PLS1: variants seen among roughly 807,000 people sequenced by gnomAD.
The protein encoded by PLS1 is plastin-1.
A neutral mutation model predicts 73.7 loss-of-function variants in PLS1; 32 were observed. That is an observed-to-expected ratio of 0.43 (90% CI 0.33 to 0.58). The LOEUF is 0.58. Ranked by LOEUF, PLS1 falls within the 20% of genes least tolerant of loss-of-function variation. The pLI is 0.04. For synonymous variants in PLS1, 217 were observed against 261.3 expected (o/e 0.83, Z 1.63); for missense variants, 633 against 740.5 (o/e 0.85, Z 1.68).
intron 1 of PLS1, among the ~76,000 whole-genome samples, chr3:142,659,295 G>A (rs769939016): frequency 1.5e-4 from 23 of 152,202 alleles, no homozygotes; most frequent in South Asian, 4.2e-4. Context: ...GTGGAAGATG[G>A]GAAAATAGAA....
chr3:142,634,815 G>T (rs546256404), intron 1 of PLS1, among the ~76,000 whole-genome samples: 1 of 151,954 alleles, frequency 6.6e-6, no homozygotes, highest in South Asian at 2.1e-4. Context: ...AAACAGATAA[G>T]ATTTCTTATT....
At chr3:142,614,270 A>G (rs151317833) in intron 1 of PLS1, among the ~76,000 whole-genome samples, 1 of 152,364 alleles carries the variant, frequency 6.6e-6, no homozygotes, top group Non-Finnish European at 1.5e-5. Flanking sequence ...CAGCTCAGGG[A>G]TAGCTCAGGA....
At chr3:142,626,011 A>C (rs552591086) in intron 1 of PLS1, among the ~76,000 whole-genome samples, 1 of 152,220 alleles carries the variant, frequency 6.6e-6, no homozygotes, top group Admixed American at 6.5e-5. Context: ...GAATTCATGC[A>C]TGCATGCTAC....
chr3:142,640,188 CAGT>C (rs369206716), intron 1 of PLS1, among the ~76,000 whole-genome samples: 1 of 152,084 alleles, frequency 6.6e-6, no homozygotes, highest in African/African-American at 2.4e-5. Context: ...TATAAGCAAA[CAGT>C]AGGCAGATGA....
chr3:142,600,901 TATATATATATATATA>T (rs1423053877), intron 1 of PLS1, among the ~76,000 whole-genome samples: 50 of 31,910 alleles, frequency 1.6e-3, no homozygotes, highest in African/African-American at 8.9e-3. Flanking sequence ...TATATATATA[TATATATATATATATA>T]TTTTTTTTTT....
At chr3:142,681,683 T>A (rs1577885299) in intron 6 of PLS1, among the ~76,000 whole-genome samples, 1 of 152,202 alleles carries the variant, frequency 6.6e-6, no homozygotes, top group South Asian at 2.1e-4. Context: ...GGCTGGGCAT[T>A]CAGGGCAGTT....
At chr3:142,686,764 A>C (rs2037978014) in intron 9 of PLS1, among the ~76,000 whole-genome samples, 1 of 152,202 alleles carries the variant, frequency 6.6e-6, no homozygotes, top group Non-Finnish European at 1.5e-5. Context: ...CAAGGCTCCA[A>C]GCCTCCATGT....
chr3:142,702,712 G>A (rs1465170055), intron 12 of PLS1, among the ~76,000 whole-genome samples: 1 of 152,068 alleles, frequency 6.6e-6, no homozygotes, highest in Non-Finnish European at 1.5e-5. Flanking sequence ...AAACCCTATT[G>A]ACTCCAGGAT....
At chr3:142,602,140 T>A (rs2035938958) in intron 1 of PLS1, among the ~76,000 whole-genome samples, 1 of 150,964 alleles carries the variant, frequency 6.6e-6, no homozygotes, top group Non-Finnish European at 1.5e-5. Context: ...TTAGTCTTTA[T>A]CTCCTTTTCT....
chr3:142,611,491 A>G (rs1460425330), intron 1 of PLS1, among the ~76,000 whole-genome samples: 4 of 152,160 alleles, frequency 2.6e-5, no homozygotes, highest in Non-Finnish European at 2.9e-5. Context: ...ATATTGTGGC[A>G]TGTGCCTGTA....
In PLS1 at chr3:142,678,078, A is replaced by G. The variant is rs758038936; in HGVS notation, c.544A>G (p.Ile182Val). 7 of 1,558,184 alleles carry G rather than the reference A, an allele frequency of 4.5e-6. No individual in the cohort carries two copies. The South Asian group carries it at 4.8e-5, about 11-fold the overall frequency. The change falls in exon 6 of 16, where the codon ATC (isoleucine) becomes GTC (valine). Residue 182 changes from isoleucine to valine, a missense_variant. Physicochemically the swap from Ile to Val is conservative, Grantham distance 29 (BLOSUM62 3). Coordinates refer to ENST00000457734, the MANE Select transcript of PLS1 (RefSeq NM_001145319.2). ...SEPDTIDERA[I>V]NKKKLTPFTI... ...ACCAGATACAATTGATGAAAGAGCC[A>G]TCAATAAGAAAAAGCTCACGCCATT...
chr3:142,615,447 A>G (rs2036198576), intron 1 of PLS1, among the ~76,000 whole-genome samples: 3 of 152,184 alleles, frequency 2.0e-5, no homozygotes, highest in Admixed American at 2.0e-4. Flanking sequence ...AATCATGATC[A>G]TGATGGATGC....
chr3:142,688,659 C>T (rs941519762), intron 9 of PLS1, among the ~76,000 whole-genome samples: 1 of 152,078 alleles, frequency 6.6e-6, no homozygotes, highest in Non-Finnish European at 1.5e-5. Flanking sequence ...AAATTAAATT[C>T]TTCATTTTAC....
At chr3:142,676,439 C>T in intron 5 of PLS1, 150 bp downstream of exon 5, 1 of 712,046 alleles carries the variant, frequency 1.4e-6, no homozygotes, top group Non-Finnish European at 2.2e-6. Context: ...AAATGAACTA[C>T]TGTATATCTA....
At chr3:142,682,278 A>T (rs1322517178) in intron 6 of PLS1, among the ~76,000 whole-genome samples, 1 of 152,240 alleles carries the variant, frequency 6.6e-6, no homozygotes, top group Non-Finnish European at 1.5e-5. Context: ...TGAAGAGTTA[A>T]TGGGTCTTTT....
intron 1 of PLS1, among the ~76,000 whole-genome samples, chr3:142,626,579 G>C (rs772658508): frequency 6.6e-6 from 1 of 152,146 alleles, no homozygotes; most frequent in Non-Finnish European, 1.5e-5. Flanking sequence ...GCAAGATACT[G>C]TTTATTATTA....
chr3:142,619,324 T>C (rs1362959000), intron 1 of PLS1: 2 of 152,174 alleles, frequency 1.3e-5, no homozygotes, highest in African/African-American at 4.8e-5. Flanking sequence ...TTGTGACTCA[T>C]TGCCTGCCAT....
chr3:142,604,037 G>A (rs2035975589), intron 1 of PLS1, among the ~76,000 whole-genome samples: 2 of 152,044 alleles, frequency 1.3e-5, no homozygotes, highest in African/African-American at 2.4e-5. Context: ...ACATTAAATT[G>A]TTTATAGATC....
In PLS1 at chr3:142,652,853, A is replaced by T. The variant is rs114655429; in HGVS notation, c.-36-11349A>T. On this transcript the variant is annotated intron_variant, in intron 1 of 15. Transcript: ENST00000457734. ...TAAGCAAGTCTAACTCTGCACGCTC[A>T]TTCATTCAGTTGCACAAGTCAAATA... 5.1e-3 allele frequency among the ~76,000 whole-genome samples: 783 copies of T among 152,304 alleles called. 2 individuals carry two copies. Among genetic ancestry groups the T allele is most frequent in the African/African-American group, 0.018 (753 of 41,564 alleles).
Sources: allele counts gnomAD v4.1 joint callset (sites outside exome capture counted in the v4.1 genomes callset), GRCh38; gene constraint gnomAD v4.1.1; transcripts MANE v1.5; gene names NCBI Gene and HGNC (gene_info 2026-07-23, HGNC 2026-07-21).